The following CDT1 variants were observed in gnomAD, a reference collection of about 807,000 sequenced individuals.
The protein encoded by CDT1 is chromatin licensing and DNA replication factor 1.
CDT1 carries 66 observed loss-of-function variants against 49.3 expected under a neutral mutation model. The ratio of observed to expected loss-of-function variants is 1.34; its 90% CI spans 1.10 to 1.64. The LOEUF (loss-of-function observed/expected upper bound fraction) is 1.64, where lower values mean the gene tolerates loss of function less well. CDT1 is among the 40% of genes most tolerant of loss of function. The probability of loss-of-function intolerance (pLI) is 0.00; values close to 1 mark genes in which losing one functional copy is unlikely to be tolerated. For missense variants in CDT1, 958 were observed against 807.7 expected, an observed-to-expected ratio of 1.19 and a Z score of -2.26; for synonymous variants, 424 against 347.4, an observed-to-expected ratio of 1.22 and a Z score of -2.45.
chr16:88,808,497 G>A lies in CDT1; in HGVS notation c.*219G>A, dbSNP rs925065384. ...TCACCTGGTGGATTCACATTAAACC[G>A]GTTTCTGTGGGCACCTCTGTCCTTG... On this transcript the variant is annotated 3_prime_UTR_variant, in exon 10 of 10. Coordinates refer to ENST00000301019, the MANE Select transcript of CDT1 (RefSeq NM_030928.4). 4.4e-5 allele frequency: 26 copies of A among 592,724 alleles called. 1 individual carries two copies. The highest frequency in any genetic ancestry group is 2.8e-4 in the Admixed American group (9 of 32,724). The allele number at this position is 592,724 out of a possible 1,614,324, so 36.7% of individuals were successfully genotyped here.
In CDT1 at chr16:88,806,748, G is replaced by A. The variant is rs1027653596; in HGVS notation, c.1122+74G>A. 4 of 1,520,660 alleles carry A rather than the reference G, an allele frequency of 2.6e-6. No individual in the cohort carries two copies. The Admixed American group carries it at 5.9e-5, about 22-fold the overall frequency. 94.2% of individuals were successfully genotyped at this position (1,520,660 alleles called of 1,614,324 possible). On this transcript the variant is annotated intron_variant, in intron 7 of 9. Coordinates refer to ENST00000301019, the MANE Select transcript of CDT1 (RefSeq NM_030928.4). ...AGCCTGACCCCAGGCTTAAGAGGTG[G>A]AAGCCTTGGTGATGAGCTTGACGCC...
At position 88,803,809 on chromosome 16, in the gene CDT1, C is replaced by T. The variant is rs745919808; in HGVS notation, c.-23C>T. ...TCTTCCTCCCTTCCTTCTTTCCTTG[C>T]TTTCGCCGCGCACTCCGCCGCCATG... On this transcript the variant is annotated 5_prime_UTR_variant, in exon 1 of 10. Transcript: ENST00000301019. 2 of 1,506,562 alleles carry T rather than the reference C, an allele frequency of 1.3e-6. No individual in the cohort carries two copies. Among genetic ancestry groups the T allele is most frequent in the South Asian group, 1.2e-5 (1 of 86,848 alleles). The allele number at this position is 1,506,562 out of a possible 1,614,324, so 93.3% of individuals were successfully genotyped here.
chr16:88,806,402 G>C (rs1285026291), intron 6 of CDT1, 84 bp from the exon 7 acceptor site: 1 of 1,494,078 alleles, frequency 6.7e-7, no homozygotes, highest in Non-Finnish European at 9.1e-7. Context: ...GGCCCGGCTG[G>C]GACGTAAGCA....
At position 88,803,796 on chromosome 16, in the gene CDT1, C is replaced by T. The variant is rs765712837; in HGVS notation, c.-36C>T. The T allele has an allele frequency of 7.4e-6, 11 of 1,481,884 alleles. No homozygotes were observed. The highest frequency in any genetic ancestry group is 1.8e-4 in the Middle Eastern group (1 of 5,650). The allele number at this position is 1,481,884 out of a possible 1,614,324, so 91.8% of individuals were successfully genotyped here. ...AACCGCGCCCGCCTCTTCCTCCCTT[C>T]CTTCTTTCCTTGCTTTCGCCGCGCA... On this transcript the variant is annotated 5_prime_UTR_variant, in exon 1 of 10. Transcript: ENST00000301019.
At chr16:88,805,699 C>T in intron 4 of CDT1, 25 bp from the exon 5 acceptor site, 2 of 1,612,754 alleles carry the variant, frequency 1.2e-6, no homozygotes, top group Non-Finnish European at 1.7e-6. Flanking sequence ...GGCCTGCCTC[C>T]TGAGCCGCCC....
At position 88,807,368 on chromosome 16, in the gene CDT1, C is replaced by T; in HGVS notation, c.1363C>T (p.Pro455Ser). The part of the protein sequence containing the change: ...EQRLQRLERL[P>S]ELARVLRSVF... ...GCGGCTGCAGCGCTTAGAACGGCTG[C>T]CTGAGCTGGCCCGCGTGCTGCGGAG... The change falls in exon 9 of 10, where the codon CCT becomes TCT. Residue 455 changes from proline (P) to serine (S), a missense_variant. Coordinates refer to ENST00000301019, the MANE Select transcript of CDT1 (RefSeq NM_030928.4). 1.2e-6 allele frequency: 2 copies of T among 1,612,570 alleles called. No homozygotes were observed. The highest frequency in any genetic ancestry group is 2.2e-5 in the South Asian group (2 of 91,074).
At chr16:88,807,592 A>T (rs1908915789) in intron 9 of CDT1, 110 bp downstream of exon 9, 10 of 1,107,466 alleles carry the variant, frequency 9.0e-6, no homozygotes, top group Admixed American at 2.0e-5. Flanking sequence ...TTCTGTTCAG[A>T]TGTGCAGTGG....
rs2142940641 is a variant in CDT1 at position 88,803,831 on chromosome 16, C to T, written c.-1C>T. ...TTGCTTTCGCCGCGCACTCCGCCGC[C>T]ATGGAGCAGCGCCGCGTCACCGACT... On this transcript the variant is annotated 5_prime_UTR_variant, in exon 1 of 10. Transcript: ENST00000301019. 1 of 1,516,994 alleles carries T rather than the reference C, an allele frequency of 6.6e-7. No individual in the cohort carries two copies. The highest frequency in any genetic ancestry group is 8.8e-7 in the Non-Finnish European group (1 of 1,133,520). The allele number at this position is 1,516,994 out of a possible 1,614,324, so 94.0% of individuals were successfully genotyped here. A position where few individuals can be genotyped will look rare whatever the true frequency, so the allele number is the denominator to read the frequency against.
chr16:88,805,127 T>C (rs911411069), intron 3 of CDT1, among the ~76,000 whole-genome samples: 3 of 152,232 alleles, frequency 2.0e-5, no homozygotes, highest in Non-Finnish European at 2.9e-5. Context: ...TCTGGCAGGT[T>C]TCAAATGCTC....
At chr16:88,807,514 G>C (rs756263215) in intron 9 of CDT1, 32 bp downstream of exon 9, 9 of 1,592,652 alleles carry the variant, frequency 5.7e-6, no homozygotes, top group South Asian at 1.1e-5. Context: ...GGGGCGTGCA[G>C]GGTGGAATTG....
intron 3 of CDT1, 134 bp downstream of exon 3, chr16:88,805,032 C>G (rs1908798010): frequency 8.0e-7 from 1 of 1,248,472 alleles, no homozygotes; most frequent in Non-Finnish European, 1.1e-6. Context: ...GGGCGCGGAC[C>G]CAGACCCCTG....
chr16:88,806,212 C>T (rs1345563266), intron 6 of CDT1, 91 bp downstream of exon 6: 1 of 1,228,258 alleles, frequency 8.1e-7, no homozygotes, highest in South Asian at 1.3e-5. Context: ...CTGCCACTCA[C>T]AGCTTCTCCC....
At position 88,808,724 on chromosome 16, in the gene CDT1, T is replaced by C. The variant is rs190721711; in HGVS notation, c.*446T>C. ...TCATTAAGAAAGACTGGGGTGGGTG[T>C]GGTGGCTCACGCCTGTAACCCCAGC... On this transcript the variant is annotated 3_prime_UTR_variant, in exon 10 of 10. Coordinates refer to ENST00000301019, the MANE Select transcript of CDT1 (RefSeq NM_030928.4). The C allele has an allele frequency of 3.3e-4, 66 of 197,248 alleles. No homozygotes were observed. The highest frequency in any genetic ancestry group is 7.0e-4 in the African/African-American group (30 of 42,676). 12.2% of individuals were successfully genotyped at this position (197,248 alleles called of 1,614,324 possible).
chr16:88,804,608 A>C lies in CDT1; in HGVS notation c.292A>C (p.Ile98Leu). The C allele has an allele frequency of 6.2e-7, 1 of 1,612,900 alleles. No individual in the cohort carries two copies. The change falls in exon 2 of 10, where the codon ATA (isoleucine) becomes CTA (leucine). Residue 98 changes from isoleucine (I) to leucine (L), a missense_variant. Ile to Leu is a conservative substitution (Grantham distance 5). Coordinates refer to ENST00000301019, the MANE Select transcript of CDT1 (RefSeq NM_030928.4). ...AGCCTGCCCTTCTCCGGGCCAGAAG[A>C]TAAAGAAATCCACCCCGGCAGCAGG... ...IPACPSPGQK[I>L]KKSTPAAGQP...
rs962787172 is a variant in CDT1 at position 88,808,419 on chromosome 16, G to T, written c.*141G>T. 6.1e-6 allele frequency: 6 copies of T among 991,314 alleles called. No individual in the cohort carries two copies. Among genetic ancestry groups the T allele is most frequent in the Non-Finnish European group, 8.8e-6 (6 of 680,610 alleles). The allele number at this position is 991,314 out of a possible 1,614,324, so 61.4% of individuals were successfully genotyped here. A position where few individuals can be genotyped will look rare whatever the true frequency, so the allele number is the denominator to read the frequency against. On this transcript the variant is annotated 3_prime_UTR_variant, in exon 10 of 10. Coordinates refer to ENST00000301019, the MANE Select transcript of CDT1 (RefSeq NM_030928.4). ...GGGCCAGAGGCAGATGTGGGCTGCA[G>T]GCTGCACAGCCCGAGGGTCTCTGGC...
chr16:88,806,586 C>A lies in CDT1; in HGVS notation c.1034C>A (p.Pro345Gln). 6.2e-7 allele frequency: 1 copy of A among 1,608,220 alleles called. No homozygotes were observed. The highest frequency in any genetic ancestry group is 8.5e-7 in the Non-Finnish European group (1 of 1,178,024). ...GTGGATGAAGTACCCGACATCGAGC[C>A]GGCCGCGCTGCCCCAGCCACCCGCC... The part of the protein sequence containing the change: ...FNVDEVPDIE[P>Q]AALPQPPATE... The change falls in exon 7 of 10, where the codon CCG (proline) becomes CAG (glutamine). Residue 345 changes from proline (P) to glutamine (Q), a missense_variant. Physicochemically the swap from Pro to Gln is moderately conservative, Grantham distance 76 (BLOSUM62 -1). Transcript: ENST00000301019.
intron 3 of CDT1, 54 bp from the exon 4 acceptor site, chr16:88,805,386 C>T (rs113242642): frequency 2.4e-5 from 38 of 1,598,576 alleles, no homozygotes; most frequent in Middle Eastern, 4.2e-4. Flanking sequence ...CCTGCTGTGG[C>T]GTTGGAGGGG....
At chr16:88,804,733 C>T (rs200651260) in intron 2 of CDT1, 29 bp from the exon 3 acceptor site, 1 of 1,612,752 alleles carries the variant, frequency 6.2e-7, no homozygotes, top group African/African-American at 1.3e-5. Context: ...GCCTGCCTGA[C>T]GGCACCGTGT....
chr16:88,806,709 C>CG, intron 7 of CDT1, 35 bp downstream of exon 7: 1 of 1,562,314 alleles, frequency 6.4e-7, no homozygotes, highest in Non-Finnish European at 8.7e-7. Flanking sequence ...CCATTTCTCC[C>CG]GGGTGGGTGG....
Sources: gnomAD v4.1 joint callset for allele counts (sites outside exome capture counted in the v4.1 genomes callset) on GRCh38, gnomAD v4.1.1 for gene constraint, MANE v1.5 for transcripts, NCBI Gene and HGNC (gene_info 2026-07-23, HGNC 2026-07-21) for gene names.